The following FAM135A variants were observed in gnomAD, a reference collection of about 807,000 sequenced individuals.
FAM135A encodes the protein family with sequence similarity 135 member A.
Under a neutral mutation model 146.8 loss-of-function variants are expected in FAM135A, and 79 were observed. The observed-to-expected ratio is 0.54, with a 90% CI of 0.45 to 0.65. FAM135A has a LOEUF of 0.65. Ranked by LOEUF, FAM135A falls within the 30% of genes least tolerant of loss-of-function variation. The pLI, the probability that FAM135A is intolerant of heterozygous loss-of-function variation, is 0.00. For missense variants in FAM135A, 1,623 were observed against 1,758.2 expected, an observed-to-expected ratio of 0.92 and a Z score of 1.38; for synonymous variants, 562 against 603.6, an observed-to-expected ratio of 0.93 and a Z score of 1.01.
intron 7 of FAM135A, among the ~76,000 whole-genome samples, chr6:70,476,313 G>A (rs1003862376): frequency 2.6e-5 from 4 of 152,078 alleles, no homozygotes; most frequent in Admixed American, 2.6e-4. Flanking sequence ...TATTTATGCA[G>A]GGTTTTTTCC....
chr6:70,413,821 C>T (rs920062372), intron 1 of FAM135A, 119 bp downstream of exon 1: 57 of 985,408 alleles, frequency 5.8e-5, no homozygotes, highest in Non-Finnish European at 6.6e-5. Flanking sequence ...GCCGTTCGCC[C>T]GCCGCGGCCC....
intron 4 of FAM135A, among the ~76,000 whole-genome samples, chr6:70,445,729 C>T (rs556645008): frequency 1.3e-5 from 2 of 152,332 alleles, no homozygotes; most frequent in Non-Finnish European, 2.9e-5. Flanking sequence ...TCCTTGCCCT[C>T]ATTCCGGTAA....
intron 4 of FAM135A, among the ~76,000 whole-genome samples, chr6:70,429,668 G>A (rs777731578): frequency 7.9e-5 from 12 of 152,164 alleles, no homozygotes; most frequent in Non-Finnish European, 1.6e-4. Flanking sequence ...AGGGATTTGG[G>A]TAACCATCAA....
In FAM135A at chr6:70,480,499, G is replaced by A. The variant is rs532927592; in HGVS notation, c.543-402G>A. 2.0e-5 allele frequency among the ~76,000 whole-genome samples: 3 copies of A among 152,196 alleles called. No individual in the cohort carries two copies. In the East Asian group the frequency reaches 5.8e-4, roughly 29 times the overall value. On this transcript the variant is annotated intron_variant, in intron 8 of 21. Transcript: ENST00000418814. Reference sequence around the variant, plus strand: ...TTTTTCTTTTTCTACATTTACATGGGAGCTCTTTATTTCTGGGAATAGCAT... The same window carrying A: ...TTTTTCTTTTTCTACATTTACATGGAAGCTCTTTATTTCTGGGAATAGCAT...
intron 9 of FAM135A, among the ~76,000 whole-genome samples, chr6:70,481,548 G>A (rs898662229): frequency 3.2e-4 from 48 of 151,852 alleles, no homozygotes; most frequent in African/African-American, 1.1e-3. Flanking sequence ...CAGGTGAATC[G>A]CTTGAGCACA....
intron 4 of FAM135A, among the ~76,000 whole-genome samples, chr6:70,436,796 A>T (rs1217091172): frequency 6.6e-6 from 1 of 152,250 alleles, no homozygotes; most frequent in Non-Finnish European, 1.5e-5. Flanking sequence ...TAGTAATTGA[A>T]TATCCCAACA....
chr6:70,524,488 G>T lies in FAM135A; in HGVS notation c.1404G>T (p.Trp468Cys). ...KVRPAGASSI[W>C]YTEGEKQLTK... Reference sequence around the variant, plus strand: ...GACCTGCTGGTGCCTCCAGTATTTGGTATACAGAAGGTGAAAAGCAGCTAA... The same window carrying T: ...GACCTGCTGGTGCCTCCAGTATTTGTTATACAGAAGGTGAAAAGCAGCTAA... The change falls in exon 15 of 22, where the codon TGG becomes TGT. Residue 468 changes from tryptophan to cysteine, a missense_variant. Around this residue, in one of 7 missense-constraint regions of FAM135A, gnomAD observed 1,061 missense variants for 1,113.8 expected, o/e 0.95. Transcript: ENST00000418814. 5 of 1,551,182 alleles carry T rather than the reference G, an allele frequency of 3.2e-6. No homozygotes were observed. The highest frequency in any genetic ancestry group is 4.4e-6 in the Non-Finnish European group (5 of 1,146,762).
chr6:70,466,958 T>A (rs1309137556), intron 5 of FAM135A, among the ~76,000 whole-genome samples: 1 of 152,212 alleles, frequency 6.6e-6, no homozygotes, highest in East Asian at 1.9e-4. Context: ...CTGTTTGGGA[T>A]CTTCCTTCAC....
At chr6:70,493,642 G>A (rs1786555794) in intron 11 of FAM135A, among the ~76,000 whole-genome samples, 1 of 152,116 alleles carries the variant, frequency 6.6e-6, no homozygotes, top group African/African-American at 2.4e-5. Flanking sequence ...TATACCAAAA[G>A]CTAAACAGAG....
At chr6:70,505,793 T>G (rs548989293) in intron 12 of FAM135A, among the ~76,000 whole-genome samples, 2 of 152,104 alleles carry the variant, frequency 1.3e-5, no homozygotes, top group Admixed American at 6.6e-5. Context: ...TTTGGTGGTG[T>G]TAATTTTCTC....
intron 12 of FAM135A, among the ~76,000 whole-genome samples, chr6:70,520,158 T>C (rs1224640670): frequency 6.6e-6 from 1 of 152,164 alleles, no homozygotes; most frequent in Admixed American, 6.5e-5. Context: ...CTGTAATTCA[T>C]TTTTCTTTGT....
chr6:70,511,886 T>C (rs182500960), intron 12 of FAM135A, among the ~76,000 whole-genome samples: 1 of 152,048 alleles, frequency 6.6e-6, no homozygotes, highest in East Asian at 1.9e-4. Flanking sequence ...AACACAGTGG[T>C]ATTTGTGTAT....
intron 2 of FAM135A, among the ~76,000 whole-genome samples, chr6:70,419,684 C>G (rs924054917): frequency 6.6e-6 from 1 of 152,184 alleles, no homozygotes; most frequent in Non-Finnish European, 1.5e-5. Flanking sequence ...CACATATTGT[C>G]ATAGTGTAAG....
chr6:70,428,289 C>A lies in FAM135A; in HGVS notation c.-39-15C>A. ...TGTTACGCTTCTCATGATTTTTTCCCTTTCCTTAACAAAGGTGCTGTTATC... is the reference window on the plus strand; with the variant it reads ...TGTTACGCTTCTCATGATTTTTTCCATTTCCTTAACAAAGGTGCTGTTATC... On this transcript the variant is annotated splice_polypyrimidine_tract_variant and intron_variant, in intron 3 of 21. Transcript: ENST00000418814. 1 of 1,297,534 alleles carries A rather than the reference C, an allele frequency of 7.7e-7. No individual in the cohort carries two copies. The allele number at this position is 1,297,534 out of a possible 1,614,324, so 80.4% of individuals were successfully genotyped here. A position where few individuals can be genotyped will look rare whatever the true frequency, so the allele number is the denominator to read the frequency against.
chr6:70,438,675 T>A (rs1773769876), intron 4 of FAM135A, among the ~76,000 whole-genome samples: 1 of 152,144 alleles, frequency 6.6e-6, no homozygotes, highest in Admixed American at 6.5e-5. Context: ...GTAAAGTGCT[T>A]CCCTTAAGGG....
intron 18 of FAM135A, among the ~76,000 whole-genome samples, chr6:70,535,576 G>A (rs1796633394): frequency 6.6e-6 from 1 of 152,124 alleles, no homozygotes; most frequent in African/African-American, 2.4e-5. Flanking sequence ...AGTTGGAATA[G>A]TTTCATCCCA....
intron 16 of FAM135A, among the ~76,000 whole-genome samples, chr6:70,530,181 T>A (rs1464137437): frequency 6.6e-6 from 1 of 152,142 alleles, no homozygotes; most frequent in Non-Finnish European, 1.5e-5. Flanking sequence ...AATGGAAGGA[T>A]AAGTAAGTAT....
chr6:70,430,320 G>C (rs1317344825), intron 4 of FAM135A, among the ~76,000 whole-genome samples: 1 of 151,634 alleles, frequency 6.6e-6, no homozygotes, highest in Non-Finnish European at 1.5e-5. Flanking sequence ...CTGGGTAACA[G>C]AGTGAGACTC....
At chr6:70,435,109 A>ATATT (rs1476331313) in intron 4 of FAM135A, among the ~76,000 whole-genome samples, 2 of 64,746 alleles carry the variant, frequency 3.1e-5, no homozygotes, top group Admixed American at 3.1e-4. Flanking sequence ...ATATATATAT[A>ATATT]TTTTTTTTTT....
Sources: gnomAD v4.1 joint callset for allele counts (sites outside exome capture counted in the v4.1 genomes callset) on GRCh38, gnomAD v4.1.1 for gene constraint, gnomAD v4.1.1 regional missense constraint, MANE v1.5 for transcripts, NCBI Gene and HGNC (gene_info 2026-07-23, HGNC 2026-07-21) for gene names.